The following BIRC6 variants were observed in gnomAD, a reference collection of about 807,000 sequenced individuals.
The protein encoded by BIRC6 is dual E2 ubiquitin-conjugating enzyme/E3 ubiquitin-protein ligase BIRC6.
BIRC6 carries 98 observed loss-of-function variants against 503.3 expected under a neutral mutation model. That is an observed-to-expected ratio of 0.19 (90% confidence interval 0.17 to 0.23). BIRC6 has a LOEUF of 0.23. Ranked by LOEUF, BIRC6 falls within the 10% of genes least tolerant of loss-of-function variation. BIRC6 has a pLI of 1.00. For missense variants in BIRC6, 5,360 were observed against 5,806.0 expected (o/e 0.92, Z 2.50); for synonymous variants, 2,240 against 2,078.7 (o/e 1.08, Z -2.11).
intron 20 of BIRC6, 91 bp from the exon 21 acceptor site, chr2:32,445,430 G>A: frequency 8.0e-7 from 1 of 1,247,428 alleles, no homozygotes; most frequent in East Asian, 2.6e-5. Context: ...CTAGCAAAAG[G>A]AAGTATTCTG....
Position 32,442,152 on chromosome 2 carries a change from C to T in BIRC6, c.4032C>T (p.Ile1344=), listed in dbSNP as rs878925581. The T allele has an allele frequency of 6.2e-7, 1 of 1,611,232 alleles. No individual in the cohort carries two copies. The highest frequency in any genetic ancestry group is 8.5e-7 in the Non-Finnish European group (1 of 1,179,110). ...TLCRKTDDGQ[I]TEHAQSLVLD... is the part of the protein sequence containing the mutation. The stretch of plus-strand genomic sequence containing the variant: ...GCAGAAAAACAGATGATGGCCAGAT[C>T]ACAGAACATGCCCAGAGCCTTGTGT... Residue 1344 remains isoleucine, a synonymous_variant, in exon 18 of 74, where the codon ATC becomes ATT. Coordinates refer to ENST00000421745, the MANE Select transcript of BIRC6 (RefSeq NM_016252.4).
At position 32,470,997 on chromosome 2, in the gene BIRC6, C is replaced by T. The variant is rs1353499672; in HGVS notation, c.6482-17C>T. ...AAGTCATCTGGATGTTTTTCCTTTG[C>T]TGTCATCTCTCTCCAGGAGTACTAG... On this transcript the variant is annotated splice_polypyrimidine_tract_variant and intron_variant, in intron 31 of 73. Transcript: ENST00000421745. 1 of 1,554,998 alleles carries T rather than the reference C, an allele frequency of 6.4e-7. No homozygotes were observed. Among genetic ancestry groups the T allele is most frequent in the African/African-American group, 1.4e-5 (1 of 73,594 alleles).
At chr2:32,535,835 T>C (rs1424267282) in intron 61 of BIRC6, among the ~76,000 whole-genome samples, 1 of 152,244 alleles carries the variant, frequency 6.6e-6, no homozygotes, top group Non-Finnish European at 1.5e-5. Flanking sequence ...ATGGGATGGC[T>C]GGGTCGAATG....
chr2:32,544,325 C>T (rs1380115520), intron 62 of BIRC6, among the ~76,000 whole-genome samples: 2 of 151,734 alleles, frequency 1.3e-5, no homozygotes, highest in Non-Finnish European at 2.9e-5. Context: ...GAAAATGATG[C>T]CATAATATGT....
intron 50 of BIRC6, among the ~76,000 whole-genome samples, chr2:32,505,769 C>G (rs2053726859): frequency 6.6e-6 from 1 of 151,974 alleles, no homozygotes; most frequent in Non-Finnish European, 1.5e-5. Flanking sequence ...CTTTGTAAGG[C>G]AAATAATTCA....
chr2:32,401,807 A>G (rs533804594), intron 8 of BIRC6, among the ~76,000 whole-genome samples, 184 bp downstream of exon 8: 17 of 152,200 alleles, frequency 1.1e-4, no homozygotes, highest in South Asian at 2.1e-4. Context: ...ATTCAGAAAC[A>G]CCGTAGTTTA....
chr2:32,590,792 T>C (rs1159961994), intron 66 of BIRC6: 1 of 985,716 alleles, frequency 1.0e-6, no homozygotes, highest in African/African-American at 1.7e-5. Context: ...AGTTGCTTCC[T>C]CGTATTTCTT....
rs778734523 is a variant in BIRC6, at chr2:32,415,096, T to C, written c.1805T>C (p.Ile602Thr). ...DGLSRTQGES[I>T]SEQGSTDNES... is the part of the protein sequence containing the mutation. ...TTAAGCAGAACTCAGGGTGAAAGTA[T>C]ATCAGAACAAGGGTCAACTGACAAT... The change falls in exon 10 of 74, where the codon ATA becomes ACA. Residue 602 changes from isoleucine to threonine, a missense_variant. Ile to Thr is a moderately conservative substitution (Grantham distance 89, BLOSUM62 -1). Around this residue, in one of 16 missense-constraint regions of BIRC6, gnomAD observed 700 missense variants for 739.3 expected, o/e 0.95. Transcript: ENST00000421745. The C allele has an allele frequency of 6.2e-7, 1 of 1,613,896 alleles. No individual in the cohort carries two copies. The highest frequency in any genetic ancestry group is 8.5e-7 in the Non-Finnish European group (1 of 1,179,818).
chr2:32,398,671 A>G (rs2040252910), intron 6 of BIRC6, among the ~76,000 whole-genome samples: 1 of 152,152 alleles, frequency 6.6e-6, no homozygotes, highest in Non-Finnish European at 1.5e-5. Context: ...GTGGGATTGG[A>G]AATTATTGGG....
chr2:32,597,714 T>C (rs1243650981), intron 68 of BIRC6, 37 bp from the exon 69 acceptor site: 1 of 1,469,702 alleles, frequency 6.8e-7, no homozygotes, highest in Non-Finnish European at 9.5e-7. Context: ...TAACAATTTT[T>C]TGCAGTTCTG....
chr2:32,403,879 T>C (rs1285966395), intron 8 of BIRC6, among the ~76,000 whole-genome samples: 1 of 151,886 alleles, frequency 6.6e-6, no homozygotes, highest in Non-Finnish European at 1.5e-5. Context: ...CACTATGGGA[T>C]TATGGTAACA....
intron 44 of BIRC6, among the ~76,000 whole-genome samples, chr2:32,492,401 C>T: frequency 6.6e-6 from 1 of 151,852 alleles, no homozygotes; most frequent in East Asian, 1.9e-4. Context: ...ATAAATGAGA[C>T]AAGGAACAAG....
chr2:32,516,935 C>T (rs940462901), intron 55 of BIRC6, among the ~76,000 whole-genome samples: 3 of 152,074 alleles, frequency 2.0e-5, no homozygotes, highest in African/African-American at 7.2e-5. Flanking sequence ...AATAACTTTT[C>T]TCCTTGTTAT....
intron 65 of BIRC6, among the ~76,000 whole-genome samples, chr2:32,551,395 G>T (rs1038235263): frequency 3.3e-5 from 5 of 152,062 alleles, no homozygotes; most frequent in African/African-American, 1.2e-4. Flanking sequence ...CAATTCTCCT[G>T]CCTCAGCCTC....
At chr2:32,602,175 A>G (rs2062108601) in intron 70 of BIRC6, among the ~76,000 whole-genome samples, 1 of 152,228 alleles carries the variant, frequency 6.6e-6, no homozygotes, top group South Asian at 2.1e-4. Flanking sequence ...TAGCCAAGAT[A>G]CAGAATCAAC....
At chr2:32,462,499 T>A (rs2048103329) in intron 23 of BIRC6, among the ~76,000 whole-genome samples, 1 of 152,196 alleles carries the variant, frequency 6.6e-6, no homozygotes, top group African/African-American at 2.4e-5. Context: ...GGGATATGCC[T>A]CTCTCCATTT....
intron 4 of BIRC6, among the ~76,000 whole-genome samples, chr2:32,389,867 T>C (rs1558596442): frequency 6.6e-6 from 1 of 151,474 alleles, no homozygotes; most frequent in Non-Finnish European, 1.5e-5. Flanking sequence ...TGGCTGATTT[T>C]TTTTTTTTTT....
intron 69 of BIRC6, among the ~76,000 whole-genome samples, chr2:32,599,021 CAA>C (rs35744882): frequency 3.6e-5 from 1 of 27,812 alleles, no homozygotes; most frequent in East Asian, 1.2e-3. Context: ...AACTCCATCT[CAA>C]AAAAAAAAAA....
intron 68 of BIRC6, among the ~76,000 whole-genome samples, chr2:32,597,023 A>T (rs2061719766): frequency 6.6e-6 from 1 of 152,238 alleles, no homozygotes; most frequent in African/African-American, 2.4e-5. Flanking sequence ...TTTAAACATA[A>T]TCAAGTTTGC....
Sources: gnomAD v4.1 joint callset for allele counts (sites outside exome capture counted in the v4.1 genomes callset) on GRCh38, gnomAD v4.1.1 for gene constraint, gnomAD v4.1.1 regional missense constraint, MANE v1.5 for transcripts, NCBI Gene and HGNC (gene_info 2026-07-23, HGNC 2026-07-21) for gene names.